The following E4F1 variants were observed in gnomAD, a reference collection of about 807,000 sequenced individuals.
E4F1 encodes the protein E4F transcription factor 1, also known as transcription factor E4F1.
Under a neutral mutation model 72.9 loss-of-function variants are expected in E4F1, and 30 were observed. That is an observed-to-expected ratio of 0.41 (90% CI 0.31 to 0.56). The LOEUF (loss-of-function observed/expected upper bound fraction) is 0.56. Ranked by LOEUF, E4F1 falls within the 20% of genes least tolerant of loss-of-function variation. The pLI, the probability that E4F1 is intolerant of heterozygous loss-of-function variation, is 0.25. For synonymous variants in E4F1, 542 were observed against 478.2 expected (o/e 1.13, Z -1.74); for missense variants, 1,091 against 1,117.5 (o/e 0.98, Z 0.34).
chr16:2,232,631 G>A, intron 5 of E4F1, 55 bp downstream of exon 5: 4 of 1,605,708 alleles, frequency 2.5e-6, no homozygotes, highest in Non-Finnish European at 3.4e-6. Flanking sequence ...GGTTGGCCCT[G>A]GGGTGCCCCA....
chr16:2,230,398 T>A (rs2093460360), intron 3 of E4F1: 1 of 150,844 alleles, frequency 6.6e-6, no homozygotes, highest in African/African-American at 2.5e-5. Context: ...AGCTAGGGGC[T>A]GCTGGGGTTG....
At position 2,234,514 on chromosome 16, in the gene E4F1, C is replaced by G. The variant is rs3114131; in HGVS notation, c.1594-69C>G. On this transcript the variant is annotated intron_variant, in intron 10 of 13. Coordinates refer to ENST00000301727, the MANE Select transcript of E4F1 (RefSeq NM_004424.5). ...TTGACCCAGCCCCTCCCTTGGGCCA[C>G]AGGCGGGAGGGGAGAGCTGTAGTCT... 0.021 allele frequency: 32,001 copies of G among 1,554,460 alleles called. 5,096 individuals are homozygous for G. The African/African-American group carries it at 0.36, about 18-fold the overall frequency.
rs189461001 is a variant in E4F1 at position 2,232,374 on chromosome 16, C to T, written c.609+10C>T. 15,259 of 1,600,124 alleles carry T rather than the reference C, an allele frequency of 9.5e-3. 115 individuals carry two copies. The highest frequency in any genetic ancestry group is 0.011 in the Non-Finnish European group (12,967 of 1,171,572). ...CAAGACCTTCAAGACGGTGAGCCGG[C>T]GTGCGGGGAGCCAGTGTGTGGGTGG... On this transcript the variant is annotated intron_variant, in intron 4 of 13. Coordinates refer to ENST00000301727, the MANE Select transcript of E4F1 (RefSeq NM_004424.5).
rs1349832869 is a variant in E4F1 at position 2,233,071 on chromosome 16, T to C, written c.944T>C (p.Ile315Thr). The C allele has an allele frequency of 1.9e-6, 3 of 1,612,588 alleles. No homozygotes were observed. The highest frequency in any genetic ancestry group is 3.3e-5 in the Admixed American group (2 of 59,992). The stretch of plus-strand genomic sequence containing the variant: ...ACATCATCGGTGACAGGCGAGCCTA[T>C]AGAGACTTCACCCGTGATTCACCTG... ...TATSSVTGEP[I>T]ETSPVIHLVT... The change falls in exon 7 of 14, where the codon ATA becomes ACA. Residue 315 changes from isoleucine (I) to threonine (T), a missense_variant. Physicochemically the swap from Ile to Thr is moderately conservative, Grantham distance 89. Transcript: ENST00000301727.
In E4F1 at chr16:2,228,407, G is replaced by C; in HGVS notation, c.193G>C (p.Ala65Pro). ...TGTGCACAGATGCGGCCGCTGCCAGGCAGAGTTCACCGCCTTGGAGGATTT... is the reference window on the plus strand; with the variant it reads ...TGTGCACAGATGCGGCCGCTGCCAGCCAGAGTTCACCGCCTTGGAGGATTT... ...DDVHRCGRCQ[A>P]EFTALEDFVQ... Residue 65 changes from alanine (A) to proline (P), a missense_variant, in exon 2 of 14, where the codon GCA becomes CCA. Ala to Pro is a conservative substitution (Grantham distance 27). Transcript: ENST00000301727. 6.2e-7 allele frequency: 1 copy of C among 1,613,806 alleles called. No homozygotes were observed. Among genetic ancestry groups the C allele is most frequent in the Non-Finnish European group, 8.5e-7 (1 of 1,180,028 alleles).
intron 8 of E4F1, 33 bp downstream of exon 8, chr16:2,233,680 A>C (rs1596769254): frequency 6.6e-7 from 1 of 1,522,164 alleles, no homozygotes; most frequent in East Asian, 2.5e-5. Flanking sequence ...GGCTCCTCCC[A>C]GGGCTGGATC....
At chr16:2,232,709 C>A (rs753559375) in intron 5 of E4F1, 47 bp from the exon 6 acceptor site, 1 of 1,610,330 alleles carries the variant, frequency 6.2e-7, no homozygotes, top group South Asian at 1.1e-5. Context: ...GTCACCTTGT[C>A]GCCAGCCTGC....
At chr16:2,230,897 T>A (rs1462349051) in intron 3 of E4F1, 1 of 152,070 alleles carries the variant, frequency 6.6e-6, no homozygotes, top group African/African-American at 2.4e-5. Flanking sequence ...TCTGGCGGGG[T>A]CTCTGGGCTG....
chr16:2,235,386 G>A lies in E4F1; in HGVS notation c.2169G>A (p.Val723=), dbSNP rs1355438862. ...CCCCCGAGAGCCTGACAGAGCAGGT[G>A]GCCATGACGCTGGCCTCGGCCATCA... ...IATPESLTEQ[V]AMTLASAISE... is the part of the protein sequence containing the mutation. Residue 723 remains valine, a synonymous_variant, in exon 14 of 14, where the codon GTG becomes GTA. Transcript: ENST00000301727. 1.9e-6 allele frequency: 3 copies of A among 1,611,080 alleles called. No individual in the cohort carries two copies. The highest frequency in any genetic ancestry group is 2.5e-6 in the Non-Finnish European group (3 of 1,179,938).
At position 2,233,592 on chromosome 16, in the gene E4F1, C is replaced by A; in HGVS notation, c.1211C>A (p.Pro404His). Residue 404 changes from proline to histidine, a missense_variant, in exon 8 of 14, where the codon CCC becomes CAC. Pro to His is a moderately conservative substitution (Grantham distance 77). This residue lies in a region of E4F1 where 622 missense variants were observed against 628.0 expected (regional missense o/e 0.99). Coordinates refer to ENST00000301727, the MANE Select transcript of E4F1 (RefSeq NM_004424.5). ...PAPAAGSSPQ[P>H]LAVAAPQLPV... The stretch of plus-strand genomic sequence containing the variant: ...CCTGCTGCCGGGTCCAGTCCCCAGC[C>A]CCTGGCAGTGGCAGCCCCGCAGCTG... 14 of 1,511,210 alleles carry A rather than the reference C, an allele frequency of 9.3e-6. No homozygotes were observed. The highest frequency in any genetic ancestry group is 1.2e-5 in the Non-Finnish European group (14 of 1,128,614). The allele number at this position is 1,511,210 out of a possible 1,614,324, so 93.6% of individuals were successfully genotyped here.
At chr16:2,233,763 T>C in intron 8 of E4F1, 116 bp downstream of exon 8, 2 of 1,427,244 alleles carry the variant, frequency 1.4e-6, no homozygotes, top group Non-Finnish European at 9.4e-7. Context: ...CATTGATCTG[T>C]TTACTGCCTT....
intron 3 of E4F1, chr16:2,230,977 C>T (rs2093464035): frequency 6.6e-6 from 1 of 152,498 alleles, no homozygotes; most frequent in Non-Finnish European, 1.5e-5. Flanking sequence ...GGCTCAGCAC[C>T]CCTCCCTGTG....
intron 1 of E4F1, 186 bp from the exon 2 acceptor site, chr16:2,228,185 GA>G: frequency 1.3e-6 from 1 of 755,320 alleles, no homozygotes; most frequent in Non-Finnish European, 2.2e-6. Flanking sequence ...ACCTGCAGAG[GA>G]TAGGGGCTGT....
rs1332570293 is a variant in E4F1 at position 2,233,645 on chromosome 16, A to G, written c.1264A>G (p.Thr422Ala). The part of the protein sequence containing the change: ...LPVLEVQPLE[T>A]QVASEASAVP... Reference sequence around the variant, plus strand: ...GGTACTGGAAGTGCAGCCGCTGGAGACAGTAGGTGCCAGCACCACCTGCGG... The same window carrying G: ...GGTACTGGAAGTGCAGCCGCTGGAGGCAGTAGGTGCCAGCACCACCTGCGG... Residue 422 changes from threonine to alanine, a missense_variant and splice_region_variant, in exon 8 of 14, where the codon ACA becomes GCA. Around this residue, in one of 5 missense-constraint regions of E4F1, gnomAD observed 622 missense variants for 628.0 expected, o/e 0.99. Transcript: ENST00000301727. The G allele has an allele frequency of 1.3e-6, 2 of 1,523,822 alleles. No homozygotes were observed. The highest frequency in any genetic ancestry group is 1.8e-6 in the Non-Finnish European group (2 of 1,135,748). The allele number at this position is 1,523,822 out of a possible 1,614,324, so 94.4% of individuals were successfully genotyped here. A position where few individuals can be genotyped will look rare whatever the true frequency, so the allele number is the denominator to read the frequency against.
intron 4 of E4F1, 35 bp from the exon 5 acceptor site, chr16:2,232,421 A>G (rs759729102): frequency 3.7e-5 from 59 of 1,605,242 alleles, no homozygotes; most frequent in Non-Finnish European, 4.9e-5. Context: ...CTGTTCCCCC[A>G]GGAGGGCCCT....
In E4F1 at chr16:2,225,751, C is replaced by G. The variant is rs1455947435; in HGVS notation, c.157+1981C>G. Among the ~76,000 whole-genome samples, 10 of 142,440 alleles carry G rather than the reference C, an allele frequency of 7.0e-5. No individual in the cohort carries two copies. In the East Asian group the frequency reaches 2.2e-3, roughly 31 times the overall value. The allele number at this position is 142,440 out of a possible 152,430, so 93.4% of individuals were successfully genotyped here. ...CCTCCCAAAGTGCTGGGAATACAGTCGTGCGCCACCGTGCCCGGCTCCTCC... is the reference window on the plus strand; with the variant it reads ...CCTCCCAAAGTGCTGGGAATACAGTGGTGCGCCACCGTGCCCGGCTCCTCC... On this transcript the variant is annotated intron_variant, in intron 1 of 13. Coordinates refer to ENST00000301727, the MANE Select transcript of E4F1 (RefSeq NM_004424.5).
rs778322656 is a variant in E4F1, at chr16:2,228,537, C to T, written c.309+14C>T. 6.2e-6 allele frequency: 10 copies of T among 1,609,588 alleles called. No individual in the cohort carries two copies. The highest frequency in any genetic ancestry group is 8.5e-6 in the Non-Finnish European group (10 of 1,177,902). ...CTGGGCCAGGAGGTGAGCCCTCACC[C>T]ACTCCCCCATCCCCTCCCGGGTTCA... On this transcript the variant is annotated intron_variant, in intron 2 of 13. Transcript: ENST00000301727.
In E4F1 at chr16:2,235,674, A is replaced by C; in HGVS notation, c.*102A>C. 1.0e-6 allele frequency: 1 copy of C among 979,154 alleles called. No individual in the cohort carries two copies. The highest frequency in any genetic ancestry group is 1.5e-6 in the Non-Finnish European group (1 of 677,516). The allele number at this position is 979,154 out of a possible 1,614,324, so 60.7% of individuals were successfully genotyped here. ...TGGTAGAGAAGATGGCACAGGATGG[A>C]GGCGCCCCAAGACGGACAGTGTACA... On this transcript the variant is annotated 3_prime_UTR_variant, in exon 14 of 14. Coordinates refer to ENST00000301727, the MANE Select transcript of E4F1 (RefSeq NM_004424.5).
chr16:2,225,542 C>T (rs778872254), intron 1 of E4F1, among the ~76,000 whole-genome samples: 24 of 150,642 alleles, frequency 1.6e-4, no homozygotes, highest in Admixed American at 1.3e-3. Flanking sequence ...GGTGCGATCT[C>T]GGCTCACCGC....
Sources: gnomAD v4.1 joint callset for allele counts (sites outside exome capture counted in the v4.1 genomes callset) on GRCh38, gnomAD v4.1.1 for gene constraint, gnomAD v4.1.1 regional missense constraint, MANE v1.5 for transcripts, NCBI Gene and HGNC (gene_info 2026-07-23, HGNC 2026-07-21) for gene names.